SVIL: variants seen among roughly 807,000 people sequenced by gnomAD.
SVIL encodes supervillin, also known as archvillin.
SVIL carries 101 observed loss-of-function variants against 240.4 expected under a neutral mutation model. The observed-to-expected ratio is 0.42, with a 90% confidence interval of 0.36 to 0.50. The LOEUF is 0.50. Among genes scored for constraint, SVIL ranks in the 20% least tolerant of loss-of-function variants. SVIL has a pLI of 0.01. For synonymous variants in SVIL, 999 were observed against 1,100.0 expected, an observed-to-expected ratio of 0.91 and a Z score of 1.82; for missense variants, 2,512 against 2,818.7, an observed-to-expected ratio of 0.89 and a Z score of 2.46.
intron 16 of SVIL, among the ~76,000 whole-genome samples, chr10:29,520,917 T>TA (rs11337474): frequency 0.026 from 3,525 of 133,956 alleles, 51 homozygotes; most frequent in African/African-American, 0.035. Flanking sequence ...ACCATTCCTC[T>TA]AAAAAAAAAA....
At chr10:29,496,670 T>C (rs1267075606) in intron 18 of SVIL, among the ~76,000 whole-genome samples, 2 of 152,200 alleles carry the variant, frequency 1.3e-5, no homozygotes, top group Non-Finnish European at 2.9e-5. Flanking sequence ...TTACAAAATG[T>C]TAAAACAAAA....
rs764013430 is a variant in SVIL, at chr10:29,465,728, C to T, written c.6000G>A (p.Ala2000=). 1.9e-6 allele frequency: 3 copies of T among 1,612,324 alleles called. No homozygotes were observed. The highest frequency in any genetic ancestry group is 2.5e-6 in the Non-Finnish European group (3 of 1,179,982). The change falls in exon 34 of 38, where the codon GCG becomes GCA. Residue 2000 remains alanine, a synonymous_variant. Transcript: ENST00000355867. ...AGCTGCTGAGGATGAACAGGCGGGG[C>T]GCGAAGTTAAAACTTCCAGGATCTT... is the stretch of plus-strand genomic sequence containing the variant. ...MLQDPGSFNF[A]PRLFILSSSS... is the part of the protein sequence containing the mutation.
chr10:29,612,093 A>G (rs1479556453), intron 1 of SVIL, among the ~76,000 whole-genome samples: 3 of 147,674 alleles, frequency 2.0e-5, no homozygotes, highest in Non-Finnish European at 4.4e-5. Flanking sequence ...CTATCTCAGG[A>G]AAAAAAAAAT....
chr10:29,572,447 A>T (rs1955471774), intron 1 of SVIL, among the ~76,000 whole-genome samples: 1 of 152,150 alleles, frequency 6.6e-6, no homozygotes. Context: ...AGGAGAGGAA[A>T]TAGTAAAAGC....
At chr10:29,612,135 A>G (rs551851038) in intron 1 of SVIL, among the ~76,000 whole-genome samples, 1 of 152,240 alleles carries the variant, frequency 6.6e-6, no homozygotes, top group African/African-American at 2.4e-5. Context: ...ATTGCAAGTC[A>G]TAAGAGAATG....
chr10:29,717,931 A>T (rs887767270), intron 1 of SVIL, among the ~76,000 whole-genome samples: 2 of 152,216 alleles, frequency 1.3e-5, no homozygotes, highest in African/African-American at 4.8e-5. Context: ...ACTTACTATA[A>T]AATTTAAGAA....
chr10:29,665,341 G>A (rs1231006856), intron 2 of SVIL, among the ~76,000 whole-genome samples: 2 of 151,446 alleles, frequency 1.3e-5, no homozygotes, highest in Non-Finnish European at 2.9e-5. Flanking sequence ...CTGGACTCCT[G>A]AATCCCATAC....
At chr10:29,659,929 G>T (rs755617255) in intron 2 of SVIL, among the ~76,000 whole-genome samples, 2 of 152,074 alleles carry the variant, frequency 1.3e-5, no homozygotes, top group African/African-American at 4.8e-5. Flanking sequence ...TCCTCCTTAG[G>T]GCTCCAAACT....
At position 29,522,513 on chromosome 10, in the gene SVIL, G is replaced by A. The variant is rs1950625490; in HGVS notation, c.3286C>T (p.Leu1096Phe). The A allele has an allele frequency of 2.5e-6, 4 of 1,614,216 alleles. No individual in the cohort carries two copies. The East Asian group carries it at 8.9e-5, about 36-fold the overall frequency. Residue 1096 changes from leucine to phenylalanine, a missense_variant, in exon 16 of 38, where the codon CTC (leucine) becomes TTC (phenylalanine). Coordinates refer to ENST00000355867, the MANE Select transcript of SVIL (RefSeq NM_021738.3). ...AACATCGCACATGGATTCTTGCAGA[G>A]CTTCTCCTGTGGCTGTTCCGAAGAA... ...QDSSEQPQEK[L>F]CKNPCAMFAA...
chr10:29,727,774 A>G (rs568543877), intron 1 of SVIL, among the ~76,000 whole-genome samples: 1 of 151,116 alleles, frequency 6.6e-6, no homozygotes, highest in African/African-American at 2.4e-5. Flanking sequence ...TCACAAAAAG[A>G]GCAATATTTT....
chr10:29,726,542 T>G (rs1964301339), intron 1 of SVIL, among the ~76,000 whole-genome samples: 2 of 151,354 alleles, frequency 1.3e-5, no homozygotes, highest in Admixed American at 6.6e-5. Flanking sequence ...AGGTCAGGAG[T>G]TCGAGACCAG....
chr10:29,663,349 T>C (rs1346570594), intron 2 of SVIL, among the ~76,000 whole-genome samples: 1 of 152,228 alleles, frequency 6.6e-6, no homozygotes, highest in Non-Finnish European at 1.5e-5. Context: ...ACAACTTTTC[T>C]GTACTTTACC....
intron 1 of SVIL, among the ~76,000 whole-genome samples, chr10:29,611,546 C>A (rs1320536656): frequency 4.6e-5 from 7 of 152,042 alleles, no homozygotes; most frequent in Admixed American, 4.6e-4. Flanking sequence ...AGATAAAGAG[C>A]ATTTGACATT....
At chr10:29,517,827 G>A (rs1299614098) in intron 16 of SVIL, among the ~76,000 whole-genome samples, 1 of 152,148 alleles carries the variant, frequency 6.6e-6, no homozygotes, top group African/African-American at 2.4e-5. Context: ...AGATGCCACT[G>A]TTTCTGACAT....
intron 3 of SVIL, among the ~76,000 whole-genome samples, 187 bp downstream of exon 3, chr10:29,563,014 G>A (rs1411214121): frequency 1.3e-5 from 2 of 152,176 alleles, no homozygotes; most frequent in Non-Finnish European, 1.5e-5. Flanking sequence ...GTAGAAAGGT[G>A]AGGATTAAAA....
chr10:29,525,343 A>G (rs1950825815), intron 13 of SVIL, among the ~76,000 whole-genome samples: 1 of 152,188 alleles, frequency 6.6e-6, no homozygotes, highest in African/African-American at 2.4e-5. Context: ...AATCCCTCCA[A>G]CTGGCCAGGT....
chr10:29,566,541 C>T (rs1954977795), intron 2 of SVIL, among the ~76,000 whole-genome samples: 1 of 152,108 alleles, frequency 6.6e-6, no homozygotes, highest in African/African-American at 2.4e-5. Context: ...GAGTTTCTTT[C>T]TTTAAAAAAA....
chr10:29,586,482 T>C (rs1347417474), intron 1 of SVIL, among the ~76,000 whole-genome samples: 2 of 152,104 alleles, frequency 1.3e-5, no homozygotes, highest in Non-Finnish European at 2.9e-5. Flanking sequence ...CTTATTCCAC[T>C]TAGCTCACTT....
chr10:29,585,423 C>T (rs1956125419), intron 1 of SVIL, among the ~76,000 whole-genome samples: 2 of 152,118 alleles, frequency 1.3e-5, no homozygotes, highest in Non-Finnish European at 2.9e-5. Flanking sequence ...TTCCTGGCCT[C>T]AAGAATCCTT....
Sources: allele counts gnomAD v4.1 joint callset (sites outside exome capture counted in the v4.1 genomes callset), GRCh38; gene constraint gnomAD v4.1.1; transcripts MANE v1.5; gene names NCBI Gene and HGNC (gene_info 2026-07-23, HGNC 2026-07-21).